The following DACH2 variants were observed in gnomAD, a reference collection of about 807,000 sequenced individuals.
The protein encoded by DACH2 is dachshund family transcription factor 2.
A neutral mutation model predicts 35.8 loss-of-function variants in DACH2; 17 were observed. That is an observed-to-expected ratio of 0.48 (90% CI 0.33 to 0.71). The LOEUF (loss-of-function observed/expected upper bound fraction) is 0.71, where lower values mean the gene tolerates loss of function less well. Among genes scored for constraint, DACH2 ranks in the 30% least tolerant of loss-of-function variants. The pLI, the probability that DACH2 is intolerant of heterozygous loss-of-function variation, is 0.02. For missense variants in DACH2, 469 were observed against 472.7 expected (o/e 0.99, Z 0.07); for synonymous variants, 195 against 177.3 (o/e 1.10, Z -0.79).
intron 11 of DACH2, among the ~76,000 whole-genome samples, chrX:86,817,162 G>A (rs919584832): frequency 8.9e-6 from 1 of 111,875 alleles, no homozygotes; most frequent in Non-Finnish European, 1.9e-5. Flanking sequence ...TGTTGCAGGT[G>A]GGTAGACCTA....
At chrX:86,660,849 T>C (rs144606009) in intron 4 of DACH2, among the ~76,000 whole-genome samples, 1 of 111,555 alleles carries the variant, frequency 9.0e-6, no homozygotes, top group Non-Finnish European at 1.9e-5. Flanking sequence ...TTAAAGGCAG[T>C]TTAATAAGCA....
At chrX:86,304,524 C>G (rs1382853411) in intron 1 of DACH2, 1 of 141,509 alleles carries the variant, frequency 7.1e-6, no homozygotes, top group Non-Finnish European at 1.5e-5. Flanking sequence ...ATTCCATGGT[C>G]ATTTCCTCCT....
At chrX:86,367,757 A>C (rs1488699587) in intron 1 of DACH2, among the ~76,000 whole-genome samples, 2 of 111,967 alleles carry the variant, frequency 1.8e-5, no homozygotes, top group African/African-American at 6.5e-5. Flanking sequence ...TGTTACGTTC[A>C]GAATTGGCTG....
chrX:86,533,461 C>T (rs763353930), intron 3 of DACH2, among the ~76,000 whole-genome samples: 4 of 111,487 alleles, frequency 3.6e-5, no homozygotes, highest in South Asian at 3.7e-4. Context: ...TACTCTGTAA[C>T]CTAAATAAAC....
At chrX:86,489,152 A>G (rs1427085150) in intron 2 of DACH2, among the ~76,000 whole-genome samples, 1 of 111,452 alleles carries the variant, frequency 9.0e-6, no homozygotes, top group Non-Finnish European at 1.9e-5. Flanking sequence ...GTATCTGTTC[A>G]TAAATTTATA....
In DACH2 at chrX:86,584,989, T is replaced by C. The variant is rs2039550775; in HGVS notation, c.641-66047T>C. Among the ~76,000 whole-genome samples, 5 of 111,547 alleles carry C rather than the reference T, an allele frequency of 4.5e-5. 1 individual carries two copies. The highest frequency in any genetic ancestry group is 4.6e-3 in the Middle Eastern group (1 of 217). ...TGGCAAAGAACATGATTTTATTCTT[T>C]TTTATGGCTGTGCAGTATTCCATGG... On this transcript the variant is annotated intron_variant, in intron 3 of 11. Transcript: ENST00000373125.
chrX:86,757,917 T>C (rs757749039), intron 7 of DACH2, among the ~76,000 whole-genome samples: 60 of 112,200 alleles, frequency 5.3e-4, no homozygotes, highest in African/African-American at 1.9e-3. Flanking sequence ...AATTTACTAA[T>C]ACACTAATTC....
At chrX:86,699,129 A>G (rs576445388) in intron 5 of DACH2, among the ~76,000 whole-genome samples, 3 of 112,074 alleles carry the variant, frequency 2.7e-5, no homozygotes, top group African/African-American at 6.5e-5. Context: ...GAGCGTCTTC[A>G]ACACTCCAAT....
intron 1 of DACH2, among the ~76,000 whole-genome samples, chrX:86,332,950 GC>G (rs890788319): frequency 2.7e-5 from 3 of 111,861 alleles, no homozygotes; most frequent in African/African-American, 9.7e-5. Flanking sequence ...TTTTAATCAA[GC>G]TTTCAGTAAT....
intron 1 of DACH2, among the ~76,000 whole-genome samples, chrX:86,149,578 G>C (rs1390152085): frequency 9.0e-6 from 1 of 111,666 alleles, no homozygotes; most frequent in East Asian, 2.8e-4. Flanking sequence ...GGGCATGCAG[G>C]GGGTGGGAAG....
At position 86,298,469 on chromosome X, in the gene DACH2, C is replaced by G. The variant is rs2034511636; in HGVS notation, c.489-78355C>G. Among the ~76,000 whole-genome samples the G allele has an allele frequency of 2.7e-5, 3 of 111,950 alleles. No homozygotes were observed. The South Asian group carries it at 1.1e-3, about 41-fold the overall frequency. Reference sequence around the variant, plus strand: ...CTCTAACGATATCTCACTGTGGCCTCTTAGATAAATGACCAAGTGGTTTTG... The same window carrying G: ...CTCTAACGATATCTCACTGTGGCCTGTTAGATAAATGACCAAGTGGTTTTG... On this transcript the variant is annotated intron_variant, in intron 1 of 11. Transcript: ENST00000373125.
At chrX:86,730,625 T>C (rs1368782190) in intron 6 of DACH2, among the ~76,000 whole-genome samples, 2 of 111,792 alleles carry the variant, frequency 1.8e-5, no homozygotes, top group African/African-American at 6.5e-5. Flanking sequence ...TATCAGGTAG[T>C]GCTCAAGGTT....
chrX:86,390,920 A>T (rs959803825), intron 2 of DACH2, among the ~76,000 whole-genome samples: 2 of 110,934 alleles, frequency 1.8e-5, no homozygotes, highest in Non-Finnish European at 3.8e-5. Context: ...GAAATATAGT[A>T]AACCTCCTCT....
chrX:86,323,207 A>T (rs918518385), intron 1 of DACH2, among the ~76,000 whole-genome samples: 2 of 112,379 alleles, frequency 1.8e-5, no homozygotes, highest in Non-Finnish European at 3.8e-5. Flanking sequence ...TCCCCACAGC[A>T]TACCTCCTAG....
chrX:86,396,021 C>T (rs2036282656), intron 2 of DACH2, among the ~76,000 whole-genome samples: 1 of 111,571 alleles, frequency 9.0e-6, no homozygotes, highest in Non-Finnish European at 1.9e-5. Context: ...AAAAGTGTTC[C>T]TATTCGTCCA....
intron 4 of DACH2, among the ~76,000 whole-genome samples, chrX:86,670,014 C>CTGTT (rs2040746363): frequency 9.0e-6 from 1 of 110,974 alleles, no homozygotes; most frequent in African/African-American, 3.3e-5. Flanking sequence ...TACATGCAAT[C>CTGTT]TGTTAGTGAT....
At chrX:86,608,342 T>C (rs764592054) in intron 3 of DACH2, among the ~76,000 whole-genome samples, 14 of 111,876 alleles carry the variant, frequency 1.3e-4, no homozygotes, top group Non-Finnish European at 2.3e-4. Context: ...GTTCAACCAT[T>C]GTGGAATTCA....
intron 2 of DACH2, among the ~76,000 whole-genome samples, chrX:86,505,973 C>T (rs5922248): frequency 0.13 from 14,570 of 111,176 alleles, 806 homozygotes; most frequent in East Asian, 0.24. Flanking sequence ...ATGTGATTTG[C>T]CTGAGGTCGC....
chrX:86,689,432 T>C (rs1013464606), intron 4 of DACH2, among the ~76,000 whole-genome samples: 2 of 76,281 alleles, frequency 2.6e-5, no homozygotes, highest in African/African-American at 1.1e-4. Flanking sequence ...CACACACTTA[T>C]ACTATATTAT....
Sources: allele counts gnomAD v4.1 joint callset (sites outside exome capture counted in the v4.1 genomes callset), GRCh38; gene constraint gnomAD v4.1.1; transcripts MANE v1.5; gene names NCBI Gene and HGNC (gene_info 2026-07-23, HGNC 2026-07-21).